The following ITGB4 variants were observed in gnomAD, a reference collection of about 807,000 sequenced individuals.
ITGB4 encodes the protein integrin beta-4.
ITGB4 carries 159 observed loss-of-function variants against 207.6 expected under a neutral mutation model. The observed-to-expected ratio is 0.77, with a 90% CI of 0.67 to 0.87. ITGB4 has a LOEUF of 0.87. Among genes scored for constraint, ITGB4 ranks in the 40% least tolerant of loss-of-function variants. ITGB4 has a pLI of 0.00. For synonymous variants in ITGB4, 1,020 were observed against 1,062.7 expected, an observed-to-expected ratio of 0.96 and a Z score of 0.78; for missense variants, 2,278 against 2,546.8, an observed-to-expected ratio of 0.89 and a Z score of 2.27.
chr17:75,749,397 G>A (rs2061313317), intron 27 of ITGB4, among the ~76,000 whole-genome samples: 1 of 151,934 alleles, frequency 6.6e-6, no homozygotes, highest in South Asian at 2.1e-4. Context: ...GCATAGTGGT[G>A]TGCACCTGCA....
At position 75,750,946 on chromosome 17, in the gene ITGB4, C is replaced by A; in HGVS notation, c.3656-28C>A. 6.2e-7 allele frequency: 1 copy of A among 1,613,560 alleles called. No homozygotes were observed. The highest frequency in any genetic ancestry group is 8.5e-7 in the Non-Finnish European group (1 of 1,180,012). Reference sequence around the variant, plus strand: ...ACCTCCCTCCCTCTGCCACTGACAGCACTCTTCCTGTATTCCCCGCTCCCT... The same window carrying A: ...ACCTCCCTCCCTCTGCCACTGACAGAACTCTTCCTGTATTCCCCGCTCCCT... On this transcript the variant is annotated intron_variant, in intron 29 of 39. Transcript: ENST00000200181. This position sits in a 1 kb window ranked among gnomAD's most constrained non-coding sequence, Gnocchi z 5.5.
rs1301511093 is a variant in ITGB4, at chr17:75,757,812, A to G, written c.*257A>G. ...TCTGCACTTAATAAATGGTTTTGCT[A>G]CTGCTAGGCCCTGCCTTGCCCATTC... is the stretch of plus-strand genomic sequence containing the variant. On this transcript the variant is annotated 3_prime_UTR_variant, in exon 40 of 40. Transcript: ENST00000200181. 5 of 660,772 alleles carry G rather than the reference A, an allele frequency of 7.6e-6. No homozygotes were observed. Among genetic ancestry groups the G allele is most frequent in the Non-Finnish European group, 1.3e-5 (5 of 383,506 alleles). The allele number at this position is 660,772 out of a possible 1,614,324, so 40.9% of individuals were successfully genotyped here.
At position 75,729,174 on chromosome 17, in the gene ITGB4, AAT is replaced by A; in HGVS notation, c.567-90_567-89del. Reference sequence around the variant, plus strand: ...ACTTGGTCTCAAAAAAAAAAAAAAAAATTCTCCTTCTAGTTGAAACGAGCCAG... The same window carrying A: ...ACTTGGTCTCAAAAAAAAAAAAAAAATCTCCTTCTAGTTGAAACGAGCCAG... On this transcript the variant is annotated intron_variant, in intron 6 of 39. Transcript: ENST00000200181. This position sits in a 1 kb window ranked among gnomAD's most constrained non-coding sequence, Gnocchi z 4.4. 7.9e-7 allele frequency: 1 copy of A among 1,268,070 alleles called. No homozygotes were observed. The highest frequency in any genetic ancestry group is 2.3e-5 in the Admixed American group (1 of 43,902). 78.6% of individuals were successfully genotyped at this position (1,268,070 alleles called of 1,614,324 possible).
In ITGB4 at chr17:75,733,493, T is replaced by C. The variant is rs1316075714; in HGVS notation, c.1458T>C (p.Ser486=). ...GAATGACCAGTTCCTCCTTCAGGAGTGGCCAGACCTGCAACTGCTCCACCG... is the reference window on the plus strand; with the variant it reads ...GAATGACCAGTTCCTCCTTCAGGAGCGGCCAGACCTGCAACTGCTCCACCG... ...CGQCVCSEGW[S]GQTCNCSTGS... is the part of the protein sequence containing the mutation. Residue 486 remains serine (S), a synonymous_variant, in exon 13 of 40, where the codon AGT becomes AGC. Coordinates refer to ENST00000200181, the MANE Select transcript of ITGB4 (RefSeq NM_000213.5). The C allele has an allele frequency of 6.2e-7, 1 of 1,612,760 alleles. No homozygotes were observed. The highest frequency in any genetic ancestry group is 1.7e-5 in the Admixed American group (1 of 60,004).
At chr17:75,736,007 G>GCC (rs1266711192) in intron 13 of ITGB4, 44 bp from the exon 14 acceptor site, 1 of 1,586,476 alleles carries the variant, frequency 6.3e-7, no homozygotes, top group Non-Finnish European at 8.6e-7. Context: ...TGGACTACAG[G>GCC]CACAGATGTA....
intron 30 of ITGB4, chr17:75,751,921 G>T: frequency 1.8e-6 from 1 of 566,112 alleles, no homozygotes; most frequent in Admixed American, 2.8e-5. Context: ...TGACATCGAG[G>T]CCAACTTGAG....
At position 75,751,129 on chromosome 17, in the gene ITGB4, C is replaced by G; in HGVS notation, c.3793+18C>G. The G allele has an allele frequency of 6.2e-7, 1 of 1,612,080 alleles. No homozygotes were observed. The highest frequency in any genetic ancestry group is 1.7e-5 in the Admixed American group (1 of 60,022). ...TGACAACCGTAAGAACCAGATCCTT[C>G]TTTCCTGCCCACAGGGAGAACAGCC... On this transcript the variant is annotated intron_variant, in intron 30 of 39. Transcript: ENST00000200181.
In ITGB4 at chr17:75,737,652, C is replaced by T. The variant is rs1170591511; in HGVS notation, c.2220+8C>T. ...TACTGTGCCTGCTGCAAGGTGAGCA[C>T]CCAGGGTGCCTCCCAAGGCCCCACA... On this transcript the variant is annotated splice_region_variant and intron_variant, in intron 18 of 39. Transcript: ENST00000200181. The T allele has an allele frequency of 3.1e-6, 5 of 1,610,682 alleles. No individual in the cohort carries two copies. The highest frequency in any genetic ancestry group is 1.3e-5 in the African/African-American group (1 of 74,832).
intron 1 of ITGB4, among the ~76,000 whole-genome samples, chr17:75,723,165 C>T (rs2148446083): frequency 6.6e-6 from 1 of 152,298 alleles, no homozygotes; most frequent in South Asian, 2.1e-4. Context: ...CTGGCCCTCC[C>T]AGTGCTGTCC....
intron 32 of ITGB4, 82 bp downstream of exon 32, chr17:75,752,659 G>A (rs960921499): frequency 1.3e-6 from 2 of 1,564,480 alleles, no homozygotes; most frequent in African/African-American, 1.4e-5. Context: ...AGAGGGCAAA[G>A]GGGCCAGCAA....
At chr17:75,746,480 C>T (rs550058787) in intron 26 of ITGB4, 3 of 152,020 alleles carry the variant, frequency 2.0e-5, no homozygotes, top group East Asian at 3.9e-4. Context: ...ATCCGCCCAC[C>T]TCAGCCTCCC....
Position 75,729,122 on chromosome 17 carries a change from G to T in ITGB4, c.567-143G>T, listed in dbSNP as rs866257365. 1 of 719,356 alleles carries T rather than the reference G, an allele frequency of 1.4e-6. No individual in the cohort carries two copies. Among genetic ancestry groups the T allele is most frequent in the Non-Finnish European group, 2.2e-6 (1 of 451,000 alleles). 44.6% of individuals were successfully genotyped at this position (719,356 alleles called of 1,614,324 possible). On this transcript the variant is annotated intron_variant, in intron 6 of 39. Coordinates refer to ENST00000200181, the MANE Select transcript of ITGB4 (RefSeq NM_000213.5). The surrounding 1 kb of genome is among the most constrained non-coding windows in gnomAD (Gnocchi z 4.4). ...GCAGTGAGCCAAGATCGTGCATACC[G>T]CACACCAGCCTGGGTGATAAAGCGA... is the stretch of plus-strand genomic sequence containing the variant.
chr17:75,749,063 G>A lies in ITGB4; in HGVS notation c.3316+18G>A, dbSNP rs1033228522. On this transcript the variant is annotated intron_variant, in intron 27 of 39. Coordinates refer to ENST00000200181, the MANE Select transcript of ITGB4 (RefSeq NM_000213.5). ...GGACCCAGGTAGGCAGAGCCTGGGG[G>A]TCGGCTTAAGCAGGAGGAGAGGGAA... is the stretch of plus-strand genomic sequence containing the variant. 46 of 1,599,134 alleles carry A rather than the reference G, an allele frequency of 2.9e-5. No homozygotes were observed. Among genetic ancestry groups the A allele is most frequent in the Non-Finnish European group, 3.5e-5 (41 of 1,174,494 alleles).
At chr17:75,724,669 T>A in intron 1 of ITGB4, 25 bp from the exon 2 acceptor site, 3 of 1,541,968 alleles carry the variant, frequency 1.9e-6, no homozygotes, top group East Asian at 4.5e-5. Context: ...GGAGGCCTCA[T>A]GTGTCAATTG....
At position 75,750,152 on chromosome 17, in the gene ITGB4, C is replaced by T; in HGVS notation, c.3358C>T (p.Gln1120Ter). 6.2e-7 allele frequency: 1 copy of T among 1,613,868 alleles called. No homozygotes were observed. Among genetic ancestry groups the T allele is most frequent in the Non-Finnish European group, 8.5e-7 (1 of 1,180,048 alleles). ...RSFTSQMLSS[Q>*]PPPHGDLGAP... ...CTTCACGAGTCAGATGTTGTCATCA[C>T]AGCCACCCCCTCACGGCGACCTGGG... is the stretch of plus-strand genomic sequence containing the variant. The change falls in exon 28 of 40, where the codon CAG becomes TAG. Residue 1120 changes from glutamine (Q) to a stop codon, truncating the protein, a stop_gained. Transcript: ENST00000200181. LOFTEE classifies it high-confidence loss of function. The surrounding 1 kb of genome is among the most constrained non-coding windows in gnomAD (Gnocchi z 5.5).
At position 75,757,687 on chromosome 17, in the gene ITGB4, T is replaced by G. The variant is rs773180511; in HGVS notation, c.*132T>G. 7.7e-7 allele frequency: 1 copy of G among 1,299,570 alleles called. No homozygotes were observed. The highest frequency in any genetic ancestry group is 2.4e-5 in the East Asian group (1 of 42,104). The allele number at this position is 1,299,570 out of a possible 1,614,324, so 80.5% of individuals were successfully genotyped here. ...CCGCATGCACAGAGCAGGGGCTAGG[T>G]GTCTCCTGGGAGGCATGAAGGGGGC... On this transcript the variant is annotated 3_prime_UTR_variant, in exon 40 of 40. Transcript: ENST00000200181.
At position 75,755,843 on chromosome 17, in the gene ITGB4, G is replaced by T; in HGVS notation, c.4701G>T (p.Leu1567=). 6.2e-7 allele frequency: 1 copy of T among 1,603,886 alleles called. No individual in the cohort carries two copies. The change falls in exon 35 of 40, where the codon CTG becomes CTT. Residue 1567 remains leucine, a synonymous_variant. Coordinates refer to ENST00000200181, the MANE Select transcript of ITGB4 (RefSeq NM_000213.5). ...LQGYSVEYQL[L]NGGELHRLNI... is the part of the protein sequence containing the mutation. ...GCTACAGTGTGGAGTACCAGCTGCTGAACGGCGGTGAGGCATGGTGGCTGC... is the reference window on the plus strand; with the variant it reads ...GCTACAGTGTGGAGTACCAGCTGCTTAACGGCGGTGAGGCATGGTGGCTGC...
At position 75,753,925 on chromosome 17, in the gene ITGB4, C is replaced by T. The variant is rs1027065550; in HGVS notation, c.4269C>T (p.Gly1423=). The T allele has an allele frequency of 7.0e-6, 9 of 1,284,742 alleles. No individual in the cohort carries two copies. The highest frequency in any genetic ancestry group is 8.8e-6 in the Non-Finnish European group (9 of 1,022,268). 79.6% of individuals were successfully genotyped at this position (1,284,742 alleles called of 1,614,324 possible). ...PHGPPDDGGA[G]GKGGSLPRSA... Reference sequence around the variant, plus strand: ...GGCCCCCGGACGACGGCGGCGCGGGCGGGAAGGGCGGCAGCCTGCCCCGCA... The same window carrying T: ...GGCCCCCGGACGACGGCGGCGCGGGTGGGAAGGGCGGCAGCCTGCCCCGCA... Residue 1423 remains glycine, a synonymous_variant, in exon 33 of 40, where the codon GGC becomes GGT. Coordinates refer to ENST00000200181, the MANE Select transcript of ITGB4 (RefSeq NM_000213.5).
rs1694038482 is a variant in ITGB4, at chr17:75,742,493, G to A, written c.2782+4G>A. ...TACACCCTCACTGCAGACCAGGGTAGGAGGGCGGGTCCGCTGTGCCACTGC... is the reference window on the plus strand; with the variant it reads ...TACACCCTCACTGCAGACCAGGGTAAGAGGGCGGGTCCGCTGTGCCACTGC... On this transcript the variant is annotated splice_donor_region_variant and intron_variant, in intron 24 of 39. Transcript: ENST00000200181. This position sits in a 1 kb window ranked among gnomAD's most constrained non-coding sequence, Gnocchi z 5.9. 1 of 1,613,104 alleles carries A rather than the reference G, an allele frequency of 6.2e-7. No homozygotes were observed. Among genetic ancestry groups the A allele is most frequent in the Non-Finnish European group, 8.5e-7 (1 of 1,179,780 alleles).
Sources: gnomAD v4.1 joint callset for allele counts (sites outside exome capture counted in the v4.1 genomes callset) on GRCh38, gnomAD v4.1.1 for gene constraint, Gnocchi (gnomAD v3.1) non-coding constraint, MANE v1.5 for transcripts, NCBI Gene and HGNC (gene_info 2026-07-23, HGNC 2026-07-21) for gene names.